TPP2: variants seen among roughly 807,000 people sequenced by gnomAD.
TPP2 encodes tripeptidyl-peptidase 2.
In TPP2, 34 loss-of-function variants were observed where a neutral mutation model predicts 155.9. That is an observed-to-expected ratio of 0.22 (90% CI 0.17 to 0.29). TPP2 has a LOEUF of 0.29. TPP2 is among the 10% of genes least tolerant of loss of function. TPP2 has a pLI of 1.00. For missense variants in TPP2, 1,028 were observed against 1,522.3 expected, an observed-to-expected ratio of 0.68 and a Z score of 5.40; for synonymous variants, 510 against 529.4, an observed-to-expected ratio of 0.96 and a Z score of 0.50.
intron 8 of TPP2, 135 bp from the exon 9 acceptor site, chr13:102,629,347 A>C: frequency 1.0e-6 from 1 of 1,004,596 alleles, no homozygotes; most frequent in Non-Finnish European, 1.3e-6. Flanking sequence ...ATCACTTAGA[A>C]TGGCTGTATC....
Position 102,678,137 on chromosome 13 carries a change from GTTACTA to G in TPP2, c.3700-87_3700-82del. 3.1e-6 allele frequency: 4 copies of G among 1,271,082 alleles called. No individual in the cohort carries two copies. In the East Asian group the frequency reaches 7.6e-5, roughly 24 times the overall value. 78.7% of individuals were successfully genotyped at this position (1,271,082 alleles called of 1,614,324 possible). On this transcript the variant is annotated intron_variant, in intron 29 of 29. Transcript: ENST00000376052. The stretch of plus-strand genomic sequence containing the variant: ...AGGTTCTATATGCTACTACCTTACT[GTTACTA>G]TTTAATACAGAATTTATTCTAAATA...
At chr13:102,605,981 C>G (rs1879799028) in intron 2 of TPP2, among the ~76,000 whole-genome samples, 1 of 152,180 alleles carries the variant, frequency 6.6e-6, no homozygotes, top group Non-Finnish European at 1.5e-5. Context: ...CTCAGCCTCC[C>G]AAAGTGCTGG....
intron 26 of TPP2, among the ~76,000 whole-genome samples, chr13:102,664,555 A>T (rs1884463269): frequency 6.6e-6 from 1 of 152,152 alleles, no homozygotes; most frequent in Non-Finnish European, 1.5e-5. Context: ...TCACCATTGT[A>T]CTCCAGCAGG....
intron 4 of TPP2, among the ~76,000 whole-genome samples, chr13:102,618,442 A>G (rs1418969471): frequency 6.6e-6 from 1 of 152,236 alleles, no homozygotes; most frequent in Non-Finnish European, 1.5e-5. Flanking sequence ...GGAATCACCA[A>G]CGTGTAGCAC....
chr13:102,667,381 TAAGGCATCACTGACAAGGACTTA>T (rs1352071426), intron 27 of TPP2, among the ~76,000 whole-genome samples: 3 of 152,346 alleles, frequency 2.0e-5, no homozygotes, highest in Non-Finnish European at 4.4e-5. Flanking sequence ...ATACTTCATG[TAAGGCATCACTGACAAGGACTTA>T]AAACATGAGC....
At chr13:102,636,583 G>T (rs936014872) in intron 13 of TPP2, among the ~76,000 whole-genome samples, 191 bp downstream of exon 13, 1 of 152,186 alleles carries the variant, frequency 6.6e-6, no homozygotes, top group African/African-American at 2.4e-5. Context: ...TGGCAATTTA[G>T]TTAGCATCTT....
At chr13:102,613,429 AG>A (rs1253850034) in intron 2 of TPP2, among the ~76,000 whole-genome samples, 1 of 152,198 alleles carries the variant, frequency 6.6e-6, no homozygotes, top group Admixed American at 6.5e-5. Flanking sequence ...ATGATTGCAA[AG>A]AATATGAATA....
chr13:102,676,532 T>C (rs1885289879), intron 29 of TPP2, 117 bp downstream of exon 29: 1 of 1,213,680 alleles, frequency 8.2e-7, no homozygotes. Flanking sequence ...TGACCAGTTA[T>C]TACAGTAATT....
At chr13:102,599,946 C>T (rs1163493347) in intron 1 of TPP2, among the ~76,000 whole-genome samples, 1 of 149,498 alleles carries the variant, frequency 6.7e-6, no homozygotes, top group Non-Finnish European at 1.5e-5. Context: ...AGTCTTGTTT[C>T]TCTTTGATCC....
intron 22 of TPP2, 41 bp from the exon 23 acceptor site, chr13:102,649,367 C>G (rs377589275): frequency 6.3e-7 from 1 of 1,576,900 alleles, no homozygotes; most frequent in Non-Finnish European, 8.6e-7. Context: ...GTGAAACTTT[C>G]TCTTTTGTTG....
At chr13:102,640,775 C>T (rs958298971) in intron 16 of TPP2, among the ~76,000 whole-genome samples, 3 of 150,994 alleles carry the variant, frequency 2.0e-5, no homozygotes, top group Admixed American at 6.6e-5. Flanking sequence ...CTCAGCCTCC[C>T]GAGTAGCTTG....
chr13:102,653,908 G>A (rs1040779900), intron 24 of TPP2, among the ~76,000 whole-genome samples: 42 of 152,252 alleles, frequency 2.8e-4, no homozygotes, highest in Non-Finnish European at 4.4e-4. Context: ...TTGACTTTCT[G>A]AATAACACTG....
At chr13:102,667,738 A>G in intron 27 of TPP2, 1 of 985,342 alleles carries the variant, frequency 1.0e-6, no homozygotes, top group Non-Finnish European at 1.2e-6. Context: ...ACAAATGCAG[A>G]TTACCTGTGT....
chr13:102,617,796 T>C (rs533059781), intron 4 of TPP2, among the ~76,000 whole-genome samples: 2 of 152,350 alleles, frequency 1.3e-5, no homozygotes, highest in South Asian at 2.1e-4. Context: ...TACTCTCTTA[T>C]GACTGCTCAA....
At chr13:102,613,615 A>G (rs891273981) in intron 2 of TPP2, among the ~76,000 whole-genome samples, 3 of 152,218 alleles carry the variant, frequency 2.0e-5, no homozygotes, top group African/African-American at 7.2e-5. Flanking sequence ...TTTAAATCCC[A>G]TATCCTTTAT....
chr13:102,633,773 C>T (rs1347855243), intron 10 of TPP2, among the ~76,000 whole-genome samples, 177 bp from the exon 11 acceptor site: 2 of 152,168 alleles, frequency 1.3e-5, no homozygotes, highest in African/African-American at 2.4e-5. Flanking sequence ...GGGAAAATGG[C>T]TCTGCTGGGT....
intron 1 of TPP2, among the ~76,000 whole-genome samples, chr13:102,603,196 T>C (rs193155839): frequency 6.6e-6 from 1 of 152,376 alleles, no homozygotes; most frequent in African/African-American, 2.4e-5. Context: ...AATTCAGTAA[T>C]GAAGTATTCA....
chr13:102,672,290 A>G (rs1012704801), intron 27 of TPP2, among the ~76,000 whole-genome samples: 3 of 152,192 alleles, frequency 2.0e-5, no homozygotes, highest in African/African-American at 4.8e-5. Context: ...AGCAAACACA[A>G]TTTGTGGGTA....
intron 25 of TPP2, among the ~76,000 whole-genome samples, chr13:102,663,165 T>C (rs547832410): frequency 3.6e-4 from 55 of 151,890 alleles, no homozygotes; most frequent in Middle Eastern, 3.4e-3. Context: ...TATTTATTTT[T>C]TGAGATGGAG....
Sources: allele counts gnomAD v4.1 joint callset (sites outside exome capture counted in the v4.1 genomes callset), GRCh38; gene constraint gnomAD v4.1.1; transcripts MANE v1.5; gene names NCBI Gene and HGNC (gene_info 2026-07-23, HGNC 2026-07-21).